Variants in DENND1B observed in about 807,000 individuals in gnomAD.
DENND1B encodes the protein DENN domain containing 1B.
Under a neutral mutation model 90.1 loss-of-function variants are expected in DENND1B, and 59 were observed. The observed-to-expected ratio is 0.65, with a 90% CI of 0.53 to 0.81. The LOEUF (loss-of-function observed/expected upper bound fraction) is 0.81, where lower values mean the gene tolerates loss of function less well. DENND1B is among the 40% of genes least tolerant of loss of function. DENND1B has a pLI of 0.00. For missense variants in DENND1B, 862 were observed against 912.6 expected (o/e 0.94, Z 0.71); for synonymous variants, 337 against 324.6 (o/e 1.04, Z -0.41).
intron 14 of DENND1B, among the ~76,000 whole-genome samples, chr1:197,584,977 T>C (rs1048682848): frequency 1.4e-4 from 21 of 152,228 alleles, no homozygotes; most frequent in Admixed American, 1.4e-3. Context: ...TAGCCTATTA[T>C]TGCCAATGGT....
rs1229127736 is a variant in DENND1B at position 197,508,128 on chromosome 1, A to G, written c.*2332T>C. The stretch of plus-strand genomic sequence containing the variant: ...ATGTTGATAAAGCAAATGGACTAAA[A>G]ACCAAATTTGACCCATGCTACACTC... On this transcript the variant is annotated 3_prime_UTR_variant, in exon 23 of 23. Coordinates refer to ENST00000620048, the MANE Select transcript of DENND1B (RefSeq NM_001195215.2). The G allele has an allele frequency of 6.6e-6, 1 of 151,512 alleles. No individual in the cohort carries two copies. The highest frequency in any genetic ancestry group is 2.4e-5 in the African/African-American group (1 of 41,328). 9.4% of individuals were successfully genotyped at this position (151,512 alleles called of 1,614,324 possible).
At chr1:197,730,975 A>G (rs1012246832) in intron 2 of DENND1B, among the ~76,000 whole-genome samples, 3 of 152,164 alleles carry the variant, frequency 2.0e-5, no homozygotes, top group African/African-American at 7.2e-5. Flanking sequence ...TTTAAAAATT[A>G]GCTTACTAGA....
intron 15 of DENND1B, among the ~76,000 whole-genome samples, chr1:197,580,042 TTC>T (rs1203540454): frequency 6.6e-6 from 1 of 151,054 alleles, no homozygotes; most frequent in Non-Finnish European, 1.5e-5. Flanking sequence ...CATTTATAAT[TTC>T]TTTCATTGTA....
chr1:197,513,068 T>C, intron 20 of DENND1B, 115 bp from the exon 21 acceptor site: 3 of 765,442 alleles, frequency 3.9e-6, no homozygotes, highest in Non-Finnish European at 6.1e-6. Context: ...AAATATGCAT[T>C]CAGGGTTTTT....
intron 2 of DENND1B, among the ~76,000 whole-genome samples, chr1:197,738,023 TCC>T (rs1403120759): frequency 3.4e-3 from 28 of 8,124 alleles, no homozygotes; most frequent in African/African-American, 0.02. Context: ...TTTGATTGCC[TCC>T]TAATTTCCTA....
chr1:197,559,675 T>A (rs12563879), intron 15 of DENND1B, among the ~76,000 whole-genome samples: 23,827 of 151,896 alleles, frequency 0.16, 2,153 homozygotes, highest in Non-Finnish European at 0.2. Context: ...TAATTTCTTA[T>A]GAATCTTTAA....
At chr1:197,673,915 T>C (rs1401839954) in intron 4 of DENND1B, among the ~76,000 whole-genome samples, 2 of 152,150 alleles carry the variant, frequency 1.3e-5, no homozygotes, top group African/African-American at 4.8e-5. Context: ...TCTTAACTGG[T>C]CATAGTAGAG....
intron 7 of DENND1B, among the ~76,000 whole-genome samples, chr1:197,651,645 C>CTTTTTTT (rs34012616): frequency 1.8e-4 from 11 of 61,562 alleles, no homozygotes; most frequent in East Asian, 1.0e-3. Flanking sequence ...ATCAATGCTT[C>CTTTTTTT]TTTTTTTTTT....
Position 197,625,580 on chromosome 1 carries a change from T to C in DENND1B, c.673-7821A>G, listed in dbSNP as rs956848735. 5.9e-5 allele frequency among the ~76,000 whole-genome samples: 9 copies of C among 151,996 alleles called. No individual in the cohort carries two copies. The East Asian group carries it at 9.7e-4, about 16-fold the overall frequency. On this transcript the variant is annotated intron_variant, in intron 10 of 22. Coordinates refer to ENST00000620048, the MANE Select transcript of DENND1B (RefSeq NM_001195215.2). Reference sequence around the variant, plus strand: ...AAATCATGCCAAATTGTAAAGACCATCGAGGCTAGGAAGAAACTGCATCAA... The same window carrying C: ...AAATCATGCCAAATTGTAAAGACCACCGAGGCTAGGAAGAAACTGCATCAA...
At chr1:197,734,903 A>G in intron 2 of DENND1B, 1 of 985,326 alleles carries the variant, frequency 1.0e-6, no homozygotes, top group Non-Finnish European at 1.2e-6. Context: ...ATGGAGGAGT[A>G]TGTTCCTACT....
chr1:197,735,663 C>G, intron 2 of DENND1B: 1 of 1,614,018 alleles, frequency 6.2e-7, no homozygotes, highest in African/African-American at 1.3e-5. Flanking sequence ...CGGTTTCAGC[C>G]GGTACAAGGT....
At chr1:197,524,599 T>C (rs552889588) in intron 20 of DENND1B, among the ~76,000 whole-genome samples, 1 of 152,238 alleles carries the variant, frequency 6.6e-6, no homozygotes, top group South Asian at 2.1e-4. Context: ...AGTAAAGTCT[T>C]TCTGAATTTG....
chr1:197,768,278 CTA>C lies in DENND1B; in HGVS notation c.82+4588_82+4589del, dbSNP rs200879034. On this transcript the variant is annotated intron_variant, in intron 2 of 22. Coordinates refer to ENST00000620048, the MANE Select transcript of DENND1B (RefSeq NM_001195215.2). Reference sequence around the variant, plus strand: ...TTTCCTCCTCCTCCTCCTCCTCCTACTACTACTGCTACTATTACTACTTGGAA... The same window carrying C: ...TTTCCTCCTCCTCCTCCTCCTCCTACCTACTGCTACTATTACTACTTGGAA... Among the ~76,000 whole-genome samples, 802 of 151,924 alleles carry C rather than the reference CTA, an allele frequency of 5.3e-3. 7 individuals carry two copies. The highest frequency in any genetic ancestry group is 0.018 in the African/African-American group (764 of 41,398).
intron 5 of DENND1B, among the ~76,000 whole-genome samples, chr1:197,661,305 A>C (rs1446766337): frequency 6.6e-6 from 1 of 152,108 alleles, no homozygotes; most frequent in Non-Finnish European, 1.5e-5. Flanking sequence ...CATTCACTAT[A>C]ACTCAAAGAA....
At chr1:197,660,268 G>A (rs1470914480) in intron 5 of DENND1B, among the ~76,000 whole-genome samples, 1 of 151,770 alleles carries the variant, frequency 6.6e-6, no homozygotes, top group Non-Finnish European at 1.5e-5. Context: ...AAACCACCAT[G>A]GCATGTGTAT....
intron 14 of DENND1B, among the ~76,000 whole-genome samples, chr1:197,588,837 C>A (rs1041342129): frequency 4.6e-5 from 7 of 152,046 alleles, no homozygotes; most frequent in Non-Finnish European, 4.4e-5. Flanking sequence ...ATTGTTGGCA[C>A]TTTAGCTAGA....
intron 2 of DENND1B, among the ~76,000 whole-genome samples, chr1:197,745,212 T>G (rs912274925): frequency 3.3e-5 from 5 of 152,224 alleles, no homozygotes; most frequent in African/African-American, 1.2e-4. Flanking sequence ...TCAAGAACTT[T>G]CCCTTTGCAT....
At position 197,753,385 on chromosome 1, in the gene DENND1B, A is replaced by T. The variant is rs76883988; in HGVS notation, c.82+19483T>A. 5.1e-3 allele frequency among the ~76,000 whole-genome samples: 773 copies of T among 152,216 alleles called. 15 individuals carry two copies. Among genetic ancestry groups the T allele is most frequent in the African/African-American group, 0.017 (716 of 41,462 alleles). ...AAACTGTAGAGACAGTAAAAAGATC[A>T]AGGGTTGGAGGTAAGAAGGGATGAA... On this transcript the variant is annotated intron_variant, in intron 2 of 22. Transcript: ENST00000620048.
At chr1:197,575,039 C>A (rs1673536241) in intron 15 of DENND1B, among the ~76,000 whole-genome samples, 1 of 152,178 alleles carries the variant, frequency 6.6e-6, no homozygotes, top group South Asian at 2.1e-4. Flanking sequence ...GCAAGGACTT[C>A]ATGACTAAAA....
Sources: allele counts gnomAD v4.1 joint callset (sites outside exome capture counted in the v4.1 genomes callset), GRCh38; gene constraint gnomAD v4.1.1; transcripts MANE v1.5; gene names NCBI Gene and HGNC (gene_info 2026-07-23, HGNC 2026-07-21).